Variants in VMA22 observed in about 807,000 individuals in gnomAD.
VMA22 encodes the protein vacuolar ATPase assembly factor VMA22.
the VMA22 span, chr2:130,341,044 GGAAA>G: frequency 2.5e-6 from 4 of 1,596,324 alleles, no homozygotes; most frequent in Non-Finnish European, 3.4e-6. Flanking sequence ...GCAGACCTGA[GGAAA>G]GAAAGGTTGG....
chr2:130,341,838 C>A, the VMA22 span: 1 of 1,151,108 alleles, frequency 8.7e-7, no homozygotes, highest in South Asian at 1.2e-5. Context: ...GAAGCTTCCT[C>A]ACCTGGCGTG....
At chr2:130,341,204 T>C in the VMA22 span, 1 of 750,760 alleles carries the variant, frequency 1.3e-6, no homozygotes, top group Non-Finnish European at 2.1e-6. Context: ...AACACAGCCT[T>C]TCCCCTTGTG....
the VMA22 span, chr2:130,341,879 A>G: frequency 6.5e-7 from 1 of 1,533,170 alleles, no homozygotes; most frequent in Non-Finnish European, 8.8e-7. Flanking sequence ...TGTGGGAAGC[A>G]TACTGCAGGG....
chr2:130,340,556 G>A, the VMA22 span: 4 of 321,698 alleles, frequency 1.2e-5, no homozygotes, highest in African/African-American at 2.2e-5. Context: ...GACCTCCCCT[G>A]GCCCACTCCT....
At chr2:130,340,732 T>A in the VMA22 span, 2 of 689,290 alleles carry the variant, frequency 2.9e-6, no homozygotes. Flanking sequence ...ACCCGAATGC[T>A]GCCAACAACC....
At chr2:130,338,290 C>T in the VMA22 span, 1 of 152,174 alleles carries the variant, frequency 6.6e-6, no homozygotes, top group African/African-American at 2.4e-5. Flanking sequence ...TTAAGCTATT[C>T]AACTGTTCTG....
chr2:130,339,435 A>C, the VMA22 span: 1 of 1,414,974 alleles, frequency 7.1e-7, no homozygotes. Flanking sequence ...CTAAAATGTC[A>C]CCTCCTTAGA....
chr2:130,342,168 C>A, the VMA22 span: 1 of 1,606,360 alleles, frequency 6.2e-7, no homozygotes, highest in East Asian at 2.2e-5. Flanking sequence ...CCTTGTCACC[C>A]TCCGCAGTTT....
chr2:130,341,870 G>A, the VMA22 span: 1 of 1,584,278 alleles, frequency 6.3e-7, no homozygotes, highest in Non-Finnish European at 8.5e-7. Context: ...GGGGCTCCAT[G>A]TGGGAAGCAT....
At chr2:130,341,821 C>CCCCCCCCGG in the VMA22 span, 1 of 1,558,166 alleles carries the variant, frequency 6.4e-7, no homozygotes, top group Non-Finnish European at 8.7e-7. Context: ...CCACCCAGCC[C>CCCCCCCCGG]AGCATGGAAG....
chr2:130,341,632 G>A, the VMA22 span: 6 of 1,557,558 alleles, frequency 3.9e-6, no homozygotes, highest in South Asian at 3.4e-5. Flanking sequence ...CTTTGACACT[G>A]GGAAGGGGTT....
At chr2:130,340,900 C>A in the VMA22 span, 1 of 1,613,996 alleles carries the variant, frequency 6.2e-7, no homozygotes, top group Non-Finnish European at 8.5e-7. Context: ...ACAACACGGT[C>A]CACTCACCAT....
chr2:130,338,977 G>A, the VMA22 span: 1 of 629,350 alleles, frequency 1.6e-6, no homozygotes, highest in Admixed American at 2.8e-5. Flanking sequence ...AAGGAAAATG[G>A]AAACATGCAG....
chr2:130,340,848 A>G, the VMA22 span: 2 of 1,604,360 alleles, frequency 1.2e-6, no homozygotes, highest in Non-Finnish European at 1.7e-6. Context: ...GCAGTGCTCA[A>G]GTGTTCCCTG....
At chr2:130,342,284 C>T in the VMA22 span, 2 of 1,429,772 alleles carry the variant, frequency 1.4e-6, no homozygotes, top group Admixed American at 2.3e-5. Context: ...TCTTTAAGGG[C>T]AAGCGCCCTT....
chr2:130,339,599 C>G, the VMA22 span: 1 of 1,301,662 alleles, frequency 7.7e-7, no homozygotes, highest in Non-Finnish European at 1.0e-6. Context: ...AGTCCACACT[C>G]TGGATCCACC....
chr2:130,341,022 C>T, the VMA22 span: 3 of 1,610,244 alleles, frequency 1.9e-6, no homozygotes, highest in Non-Finnish European at 2.5e-6. Context: ...TTAGTGGGGC[C>T]CTTGCGCCTC....
At chr2:130,340,541 A>T in the VMA22 span, 1 of 296,546 alleles carries the variant, frequency 3.4e-6, no homozygotes, top group South Asian at 2.8e-5. Context: ...TCACCTCCTC[A>T]GAGAGACCTC....
chr2:130,339,005 G>C, the VMA22 span: 1 of 711,198 alleles, frequency 1.4e-6, no homozygotes, highest in East Asian at 2.7e-5. Context: ...ACACAGAAGG[G>C]GCATTAGCTG....
Sources: allele counts gnomAD v4.1 joint callset, GRCh38; gene constraint gnomAD v4.1.1; transcripts MANE v1.5; gene names NCBI Gene and HGNC (gene_info 2026-07-23, HGNC 2026-07-21).